Variants in SI observed in about 807,000 individuals in gnomAD.
The protein encoded by SI is sucrase-isomaltase.
A neutral mutation model predicts 253.3 loss-of-function variants in SI; 235 were observed. That is an observed-to-expected ratio of 0.93 (90% CI 0.83 to 1.03). The LOEUF is 1.03. Among genes scored for constraint, SI ranks in the 50% least tolerant of loss-of-function variants. The pLI, the probability that SI is intolerant of heterozygous loss-of-function variation, is 0.00. For missense variants in SI, 2,442 were observed against 2,211.1 expected, an observed-to-expected ratio of 1.10 and a Z score of -2.09; for synonymous variants, 819 against 712.0, an observed-to-expected ratio of 1.15 and a Z score of -2.39.
chr3:165,076,080 T>C, intron 1 of SI, 68 bp from the exon 2 acceptor site: 3 of 1,133,228 alleles, frequency 2.6e-6, no homozygotes, highest in Non-Finnish European at 3.7e-6. Flanking sequence ...CCAACAATTC[T>C]CATGAAATTA....
chr3:164,994,449 T>C (rs1265576817), intron 40 of SI, 44 bp from the exon 41 acceptor site: 3 of 1,592,378 alleles, frequency 1.9e-6, no homozygotes, highest in Non-Finnish European at 2.6e-6. Context: ...TTGGTCCTTG[T>C]TTAAGTCATA....
intron 18 of SI, 115 bp from the exon 19 acceptor site, chr3:165,040,086 G>A (rs1478039336): frequency 2.5e-6 from 2 of 805,186 alleles, no homozygotes; most frequent in African/African-American, 1.7e-5. Context: ...CTTGAATTGT[G>A]CTTGTTTCAG....
At chr3:165,050,265 C>T (rs1388300293) in intron 13 of SI, among the ~76,000 whole-genome samples, 1 of 152,126 alleles carries the variant, frequency 6.6e-6, no homozygotes, top group African/African-American at 2.4e-5. Flanking sequence ...CTATGATGTG[C>T]TAAGCACATT....
At chr3:165,022,026 A>G (rs751772657) in intron 26 of SI, among the ~76,000 whole-genome samples, 11 of 151,548 alleles carry the variant, frequency 7.3e-5, no homozygotes, top group Non-Finnish European at 1.6e-4. Flanking sequence ...TTCAACATTT[A>G]TGTTCCACTG....
At chr3:165,063,350 C>G in intron 8 of SI, 92 bp downstream of exon 8, 2 of 658,254 alleles carry the variant, frequency 3.0e-6, no homozygotes, top group East Asian at 2.8e-5. Context: ...AGAGTTTACT[C>G]TCACATACAA....
chr3:165,079,134 T>A (rs1715188002), upstream of SI, among the ~76,000 whole-genome samples: 1 of 151,614 alleles, frequency 6.6e-6, no homozygotes, highest in African/African-American at 2.4e-5. Context: ...TAGTAAAATG[T>A]ATAAAATTAA....
At chr3:165,062,244 T>C in intron 9 of SI, 127 bp downstream of exon 9, 1 of 636,776 alleles carries the variant, frequency 1.6e-6, no homozygotes, top group East Asian at 2.8e-5. Flanking sequence ...TTAAATATGA[T>C]AAGATTTTCG....
chr3:165,074,494 A>G (rs1714813075), intron 3 of SI, 37 bp downstream of exon 3: 5 of 1,375,892 alleles, frequency 3.6e-6, no homozygotes, highest in Non-Finnish European at 4.0e-6. Context: ...AATAATGTAT[A>G]TATTCATTAA....
chr3:165,022,624 A>C (rs187310751), intron 26 of SI, among the ~76,000 whole-genome samples: 31 of 147,960 alleles, frequency 2.1e-4, no homozygotes, highest in Admixed American at 1.2e-3. Flanking sequence ...CACACACACA[A>C]AATCTTCCAT....
chr3:165,058,272 T>C (rs982366588), intron 12 of SI, among the ~76,000 whole-genome samples: 13 of 151,894 alleles, frequency 8.6e-5, no homozygotes, highest in Admixed American at 6.6e-4. Context: ...CCAAAGTCTA[T>C]GGGATAAAAT....
rs1491320961 is a variant in SI, at chr3:165,029,631, CTT to C, written c.2892+1079_2892+1080del. Among the ~76,000 whole-genome samples the C allele has an allele frequency of 5.3e-3, 754 of 141,656 alleles. 10 individuals are homozygous for C. Among genetic ancestry groups the C allele is most frequent in the African/African-American group, 0.018 (717 of 38,892 alleles). The allele number at this position is 141,656 out of a possible 152,430, so 92.9% of individuals were successfully genotyped here. A position where few individuals can be genotyped will look rare whatever the true frequency, so the allele number is the denominator to read the frequency against. On this transcript the variant is annotated intron_variant, in intron 25 of 47. Coordinates refer to ENST00000264382, the MANE Select transcript of SI (RefSeq NM_001041.4). The stretch of plus-strand genomic sequence containing the variant: ...ATATGTATATATATGTAACATTAGC[CTT>C]ATATATATATATAACATTAAAATTA...
At chr3:165,069,001 C>G in intron 4 of SI, 77 bp downstream of exon 4, 1 of 1,111,122 alleles carries the variant, frequency 9.0e-7, no homozygotes, top group Non-Finnish European at 1.4e-6. Context: ...TTATTTGATT[C>G]TATTTAAGGT....
At position 164,996,004 on chromosome 3, in the gene SI, T is replaced by C. The variant is rs563519100; in HGVS notation, c.4692+531A>G. On this transcript the variant is annotated intron_variant, in intron 40 of 47. Coordinates refer to ENST00000264382, the MANE Select transcript of SI (RefSeq NM_001041.4). ...TTGACAGCAAATTTTCCTGTTGAGA[T>C]ATTACTGTTTCATCAAGTTATGTCT... Among the ~76,000 whole-genome samples the C allele has an allele frequency of 2.0e-5, 3 of 151,968 alleles. No homozygotes were observed. In the South Asian group the frequency reaches 6.2e-4, roughly 31 times the overall value.
At chr3:165,073,359 T>A (rs1480310253) in intron 3 of SI, among the ~76,000 whole-genome samples, 1 of 152,044 alleles carries the variant, frequency 6.6e-6, no homozygotes, top group Non-Finnish European at 1.5e-5. Flanking sequence ...ATCTGGCCAC[T>A]TTCCTCAGTG....
At chr3:165,077,397 G>A (rs188403940) in intron 1 of SI, among the ~76,000 whole-genome samples, 19 of 151,632 alleles carry the variant, frequency 1.3e-4, no homozygotes, top group South Asian at 4.2e-4. Flanking sequence ...CAATTAGATC[G>A]TTACATTCTT....
At chr3:165,002,158 G>C (rs554975662) in intron 37 of SI, among the ~76,000 whole-genome samples, 44 of 151,704 alleles carry the variant, frequency 2.9e-4, no homozygotes, top group African/African-American at 1.1e-3. Flanking sequence ...TATATGTGTA[G>C]TTACATAATC....
chr3:164,996,660 T>TA lies in SI; in HGVS notation c.4576-10dup. ...CAGATGTCTGCTCCAGTCTAAAATA[T>TA]ATTGTTATATTTAGTTAAATTTGAA... On this transcript the variant is annotated splice_polypyrimidine_tract_variant and intron_variant, in intron 39 of 47. Transcript: ENST00000264382. The TA allele has an allele frequency of 6.8e-7, 1 of 1,469,000 alleles. No individual in the cohort carries two copies. The highest frequency in any genetic ancestry group is 9.5e-7 in the Non-Finnish European group (1 of 1,049,314). The allele number at this position is 1,469,000 out of a possible 1,614,324, so 91.0% of individuals were successfully genotyped here. A position where few individuals can be genotyped will look rare whatever the true frequency, so the allele number is the denominator to read the frequency against.
In SI at chr3:165,068,712, A is replaced by G; in HGVS notation, c.483+10T>C. The G allele has an allele frequency of 6.2e-7, 1 of 1,603,712 alleles. No homozygotes were observed. The highest frequency in any genetic ancestry group is 1.1e-5 in the South Asian group (1 of 90,904). ...TAGTATTAAATCTTTGGAAACCTTAAAAACCGAACCTTGAACCGGAAACGA... is the reference window on the plus strand; with the variant it reads ...TAGTATTAAATCTTTGGAAACCTTAGAAACCGAACCTTGAACCGGAAACGA... On this transcript the variant is annotated intron_variant, in intron 5 of 47. Coordinates refer to ENST00000264382, the MANE Select transcript of SI (RefSeq NM_001041.4).
chr3:165,028,504 A>T (rs1317103132), intron 25 of SI, among the ~76,000 whole-genome samples: 2 of 151,676 alleles, frequency 1.3e-5, no homozygotes, highest in Admixed American at 6.6e-5. Context: ...CAAAAAGAAC[A>T]AATCTGGAGG....
Sources: allele counts gnomAD v4.1 joint callset (sites outside exome capture counted in the v4.1 genomes callset), GRCh38; gene constraint gnomAD v4.1.1; transcripts MANE v1.5; gene names NCBI Gene and HGNC (gene_info 2026-07-23, HGNC 2026-07-21).